Variants in ILKAP observed in about 807,000 individuals in gnomAD.
ILKAP encodes the protein integrin-linked kinase-associated serine/threonine phosphatase 2C.
ILKAP carries 11 observed loss-of-function variants against 49.1 expected under a neutral mutation model. That is an observed-to-expected ratio of 0.22 (90% CI 0.14 to 0.37). ILKAP has a LOEUF of 0.37. Among genes scored for constraint, ILKAP ranks in the 10% least tolerant of loss-of-function variants. The pLI is 1.00. For missense variants in ILKAP, 363 were observed against 510.8 expected (o/e 0.71, Z 2.79); for synonymous variants, 186 against 192.8 (o/e 0.96, Z 0.29).
At chr2:238,194,585 A>T (rs1450277550) in intron 2 of ILKAP, 1 of 608,280 alleles carries the variant, frequency 1.6e-6, no homozygotes, top group Admixed American at 3.0e-5. Context: ...CAAATGAACC[A>T]GAGAAAACTG....
intron 1 of ILKAP, among the ~76,000 whole-genome samples, chr2:238,197,209 A>C (rs985686356): frequency 1.2e-4 from 18 of 152,238 alleles, no homozygotes; most frequent in Non-Finnish European, 1.3e-4. Context: ...CACCCAAAAA[A>C]AGTATTTAGG....
At chr2:238,190,548 T>C (rs1391359645) in intron 3 of ILKAP, among the ~76,000 whole-genome samples, 1 of 152,070 alleles carries the variant, frequency 6.6e-6, no homozygotes, top group Non-Finnish European at 1.5e-5. Flanking sequence ...TTCAAAGAGG[T>C]GTGCAACTTA....
At chr2:238,173,029 G>A (rs114295387) in intron 10 of ILKAP, among the ~76,000 whole-genome samples, 4 of 152,256 alleles carry the variant, frequency 2.6e-5, no homozygotes, top group East Asian at 3.9e-4. Flanking sequence ...TTTCTCAACC[G>A]ATCCTGGCTC....
In ILKAP at chr2:238,203,556, C is replaced by A. The variant is rs975878755; in HGVS notation, c.-3G>T. On this transcript the variant is annotated 5_prime_UTR_variant, in exon 1 of 12. Coordinates refer to ENST00000254654, the MANE Select transcript of ILKAP (RefSeq NM_030768.3). ...GGCAGGTCCCCGAAGAGGTCCATGG[C>A]GGAGGCTGGGTGGAGGCGGCAGCAG... The A allele has an allele frequency of 1.4e-5, 16 of 1,170,350 alleles. No homozygotes were observed. The African/African-American group carries it at 1.8e-4, about 13-fold the overall frequency. 72.5% of individuals were successfully genotyped at this position (1,170,350 alleles called of 1,614,324 possible).
At chr2:238,182,321 G>A (rs1418038094) in intron 8 of ILKAP, 135 bp from the exon 9 acceptor site, 12 of 1,019,388 alleles carry the variant, frequency 1.2e-5, no homozygotes, top group Non-Finnish European at 1.7e-5. Context: ...GCCTCCTGCT[G>A]ATAAACGTAA....
chr2:238,184,047 T>C lies in ILKAP; in HGVS notation c.599A>G (p.Glu200Gly). ...GCTGGAAGCTTGTTTAAGGAACTCT[T>C]CATCAGTATGCTTGAAAGTGTCCAA... ...CLLDTFKHTD[E>G]EFLKQASSQK... The change falls in exon 7 of 12, where the codon GAA (glutamate) becomes GGA (glycine). Residue 200 changes from glutamate (E) to glycine (G), a missense_variant. Glu to Gly is a moderately conservative substitution (Grantham distance 98). Around this residue, in one of 3 missense-constraint regions of ILKAP, gnomAD observed 166 missense variants for 307.3 expected, o/e 0.54. Coordinates refer to ENST00000254654, the MANE Select transcript of ILKAP (RefSeq NM_030768.3). 5 of 1,610,072 alleles carry C rather than the reference T, an allele frequency of 3.1e-6. No homozygotes were observed. The highest frequency in any genetic ancestry group is 4.3e-6 in the Non-Finnish European group (5 of 1,176,244).
At chr2:238,191,590 T>C (rs1310731610) in intron 3 of ILKAP, among the ~76,000 whole-genome samples, 2 of 152,318 alleles carry the variant, frequency 1.3e-5, no homozygotes, top group Admixed American at 6.5e-5. Context: ...CCCATATGGA[T>C]GTGAAACTTT....
At chr2:238,181,943 A>G in intron 9 of ILKAP, 122 bp downstream of exon 9, 1 of 1,048,634 alleles carries the variant, frequency 9.5e-7, no homozygotes. Context: ...GTTAGATCTC[A>G]GACAGAGCCT....
rs1694261905 is a variant in ILKAP, at chr2:238,194,342, G to C, written c.122-11C>G. The C allele has an allele frequency of 1.2e-6, 2 of 1,613,620 alleles. No homozygotes were observed. The highest frequency in any genetic ancestry group is 2.7e-5 in the African/African-American group (2 of 74,898). On this transcript the variant is annotated splice_polypyrimidine_tract_variant and intron_variant, in intron 2 of 11. Transcript: ENST00000254654. ...AAGGTCCCCCTGATCCTGAAACACA[G>C]CAGAACACTTAGTGAGCCCACAAAA...
At chr2:238,193,852 T>C (rs956442066) in intron 3 of ILKAP, among the ~76,000 whole-genome samples, 1 of 152,180 alleles carries the variant, frequency 6.6e-6, no homozygotes, top group Non-Finnish European at 1.5e-5. Context: ...AGGAATCTGC[T>C]CTATTCTTCC....
At chr2:238,191,079 T>C (rs1462889348) in intron 3 of ILKAP, among the ~76,000 whole-genome samples, 1 of 152,028 alleles carries the variant, frequency 6.6e-6, no homozygotes, top group Non-Finnish European at 1.5e-5. Context: ...CTCAGCCTCC[T>C]GAGCAGCTGG....
At chr2:238,202,130 CAGG>C (rs1202029321) in intron 1 of ILKAP, among the ~76,000 whole-genome samples, 11 of 152,336 alleles carry the variant, frequency 7.2e-5, no homozygotes, top group Non-Finnish European at 1.2e-4. Flanking sequence ...GAGGCCTAGG[CAGG>C]AGAATTGTTT....
Position 238,203,692 on chromosome 2 carries a change from G to C in ILKAP, c.-139C>G, listed in dbSNP as rs914311611. 7.5e-5 allele frequency: 24 copies of C among 319,980 alleles called. No individual in the cohort carries two copies. The highest frequency in any genetic ancestry group is 1.0e-3 in the Middle Eastern group (1 of 980). 19.8% of individuals were successfully genotyped at this position (319,980 alleles called of 1,614,324 possible). On this transcript the variant is annotated 5_prime_UTR_variant, in exon 1 of 12. Transcript: ENST00000254654. The stretch of plus-strand genomic sequence containing the variant: ...CGGCGCCGTCAGTCACCTGCAGGGA[G>C]AGTCCCGGACGCCACCAATCGGCGC...
intron 4 of ILKAP, among the ~76,000 whole-genome samples, chr2:238,189,418 C>A (rs1190113357): frequency 6.6e-6 from 1 of 152,226 alleles, no homozygotes; most frequent in Non-Finnish European, 1.5e-5. Context: ...CTAACTTTGA[C>A]AAGTTACACA....
At position 238,170,985 on chromosome 2, in the gene ILKAP, A is replaced by G. The variant is rs765761751; in HGVS notation, c.996T>C (p.Phe332=). ...LLACDGLFKV[F]TPEEAVNFIL... is the part of the protein sequence containing the mutation. ...TGAAGTTCACGGCTTCTTCTGGGGT[A>G]AAGACCTTGAAGAGCCCATCACAGG... Residue 332 remains phenylalanine, a synonymous_variant, in exon 11 of 12, where the codon TTT becomes TTC. Transcript: ENST00000254654. The G allele has an allele frequency of 2.5e-6, 4 of 1,614,104 alleles. No homozygotes were observed. The highest frequency in any genetic ancestry group is 1.1e-5 in the South Asian group (1 of 91,078).
At chr2:238,193,936 T>C (rs1379804878) in intron 3 of ILKAP, among the ~76,000 whole-genome samples, 1 of 152,246 alleles carries the variant, frequency 6.6e-6, no homozygotes, top group African/African-American at 2.4e-5. Flanking sequence ...CCTCGATACA[T>C]TTGAGTCAAG....
chr2:238,198,349 C>T (rs1694431632), intron 1 of ILKAP, among the ~76,000 whole-genome samples: 1 of 152,066 alleles, frequency 6.6e-6, no homozygotes, highest in African/African-American at 2.4e-5. Flanking sequence ...AGCAATCCTC[C>T]CTCGTCAGAT....
chr2:238,184,685 T>G (rs1693830620), intron 6 of ILKAP, among the ~76,000 whole-genome samples: 1 of 151,432 alleles, frequency 6.6e-6, no homozygotes, highest in Non-Finnish European at 1.5e-5. Flanking sequence ...CACAGCCTCC[T>G]GAGCAGCTGG....
intron 1 of ILKAP, among the ~76,000 whole-genome samples, chr2:238,196,546 CAAAT>C (rs1344567598): frequency 1.3e-5 from 2 of 152,136 alleles, no homozygotes; most frequent in Non-Finnish European, 2.9e-5. Flanking sequence ...TTCAACTAAA[CAAAT>C]AAATTTATAT....
Sources: allele counts gnomAD v4.1 joint callset (sites outside exome capture counted in the v4.1 genomes callset), GRCh38; gene constraint gnomAD v4.1.1; regional missense constraint gnomAD v4.1.1; transcripts MANE v1.5; gene names NCBI Gene and HGNC (gene_info 2026-07-23, HGNC 2026-07-21).